Variants in MTAP observed in about 807,000 individuals in gnomAD.
MTAP encodes the protein S-methyl-5'-thioadenosine phosphorylase.
Under a neutral mutation model 33.6 loss-of-function variants are expected in MTAP, and 33 were observed. The ratio of observed to expected loss-of-function variants is 0.98; its 90% CI spans 0.74 to 1.31. The LOEUF (loss-of-function observed/expected upper bound fraction) is 1.31. MTAP is among the 40% of genes most tolerant of loss of function. The probability of loss-of-function intolerance (pLI) is 0.00; values close to 1 mark genes in which losing one functional copy is unlikely to be tolerated. For synonymous variants in MTAP, 148 were observed against 125.7 expected (o/e 1.18, Z -1.19); for missense variants, 367 against 360.0 (o/e 1.02, Z -0.16).
At chr9:21,834,290 G>A (rs1825047633) in intron 4 of MTAP, among the ~76,000 whole-genome samples, 1 of 152,176 alleles carries the variant, frequency 6.6e-6, no homozygotes, top group South Asian at 2.1e-4. Context: ...CTTTCCCAGA[G>A]GCACACAGCT....
chr9:21,863,289 CT>C lies in MTAP; in HGVS notation c.*1282del, dbSNP rs1563851646. The C allele has an allele frequency of 1.4e-5, 14 of 984,274 alleles. No homozygotes were observed. In the South Asian group the frequency reaches 1.9e-4, roughly 13 times the overall value. The allele number at this position is 984,274 out of a possible 1,614,324, so 61.0% of individuals were successfully genotyped here. On this transcript the variant is annotated 3_prime_UTR_variant, in exon 8 of 8. Transcript: ENST00000644715. ...AAAGTGGAAGCTTGCTTTTTTAACT[CT>C]TTTTTTATTGTTATTTTATAGAAAT...
downstream of MTAP, chr9:21,935,484 T>C (rs1366360272): frequency 1.3e-5 from 2 of 150,848 alleles, no homozygotes; most frequent in African/African-American, 4.9e-5. Context: ...TGGCTATACA[T>C]TTTTTTTTAA....
exon 2 of MTAP, chr9:21,931,035 G>A (rs772411340): frequency 2.0e-5 from 15 of 764,206 alleles, no homozygotes; most frequent in Middle Eastern, 4.5e-4. Flanking sequence ...GATCCTCAGT[G>A]AGGGATACCA....
At chr9:21,855,935 C>G (rs1304007919) in intron 6 of MTAP, among the ~76,000 whole-genome samples, 1 of 152,104 alleles carries the variant, frequency 6.6e-6, no homozygotes, top group Non-Finnish European at 1.5e-5. Context: ...ATATTAATTT[C>G]TTAATATAAT....
chr9:21,851,714 C>T (rs900583960), intron 5 of MTAP, among the ~76,000 whole-genome samples: 1 of 152,154 alleles, frequency 6.6e-6, no homozygotes, highest in African/African-American at 2.4e-5. Context: ...AGGAGATTGA[C>T]ATTTGAGTCA....
downstream of MTAP, chr9:21,932,332 T>C (rs369644377): frequency 9.2e-5 from 14 of 152,308 alleles, no homozygotes; most frequent in East Asian, 2.5e-3. Flanking sequence ...GCAAAGCTGA[T>C]GAGAGGCCAC....
chr9:21,896,706 A>G (rs1044346980), intron 1 of MTAP, among the ~76,000 whole-genome samples: 3 of 152,176 alleles, frequency 2.0e-5, no homozygotes, highest in Non-Finnish European at 4.4e-5. Context: ...CCCTGAATAG[A>G]CCAATAACAG....
downstream of MTAP, chr9:21,932,780 C>T (rs1818983664): frequency 6.6e-6 from 1 of 152,156 alleles, no homozygotes; most frequent in Non-Finnish European, 1.5e-5. Context: ...ATGTATAAAA[C>T]TCTTTCTCTA....
exon 8 of MTAP, chr9:21,937,641 A>G (rs1201146050): frequency 6.6e-6 from 1 of 152,138 alleles, no homozygotes; most frequent in East Asian, 1.9e-4. Flanking sequence ...AACTTTCTCT[A>G]TTTGCCTTTG....
intron 5 of MTAP, among the ~76,000 whole-genome samples, chr9:21,841,432 G>T (rs537649932): frequency 2.8e-4 from 42 of 152,336 alleles, no homozygotes; most frequent in African/African-American, 9.6e-4. Flanking sequence ...TCCTGAATAT[G>T]TCCACATGAC....
chr9:21,900,030 C>G (rs1282175203), intron 1 of MTAP, among the ~76,000 whole-genome samples: 1 of 152,132 alleles, frequency 6.6e-6, no homozygotes, highest in Non-Finnish European at 1.5e-5. Flanking sequence ...AAAATCAACT[C>G]AGGATGCATT....
At chr9:21,814,424 A>G (rs7872331) in intron 1 of MTAP, among the ~76,000 whole-genome samples, 4 of 152,220 alleles carry the variant, frequency 2.6e-5, no homozygotes, top group African/African-American at 9.6e-5. Context: ...AAAAACAACA[A>G]TGCTCAGGTC....
At chr9:21,939,100 T>C (rs1200101729), downstream of MTAP, among the ~76,000 whole-genome samples, 1 of 152,168 alleles carries the variant, frequency 6.6e-6, no homozygotes, top group Middle Eastern at 3.2e-3. Context: ...ATAGGTCTCA[T>C]GAGATCTGAT....
At chr9:21,868,828 C>T (rs186370524), downstream of MTAP, among the ~76,000 whole-genome samples, 285 of 152,262 alleles carry the variant, frequency 1.9e-3, no homozygotes, top group Admixed American at 7.6e-3. Flanking sequence ...GAGCACGCAT[C>T]GTCATCACCT....
chr9:21,851,247 G>A (rs549508951), intron 5 of MTAP, among the ~76,000 whole-genome samples: 2 of 152,252 alleles, frequency 1.3e-5, no homozygotes, highest in East Asian at 3.9e-4. Context: ...ATACAGAATG[G>A]GTAGTAGAAG....
rs1825782483 is a variant in MTAP at position 21,862,879 on chromosome 9, A to G, written c.*865A>G. On this transcript the variant is annotated 3_prime_UTR_variant, in exon 8 of 8. Transcript: ENST00000644715. ...TTTCTTTGAATCTTTCTGTGTCTTC[A>G]CATTTTTCTACAGTGAATTTAATCA... 1 of 874,740 alleles carries G rather than the reference A, an allele frequency of 1.1e-6. No homozygotes were observed. The highest frequency in any genetic ancestry group is 1.8e-5 in the African/African-American group (1 of 54,428). The allele number at this position is 874,740 out of a possible 1,614,324, so 54.2% of individuals were successfully genotyped here.
intron 4 of MTAP, among the ~76,000 whole-genome samples, chr9:21,825,407 C>T (rs939074854): frequency 2.9e-4 from 44 of 152,240 alleles, no homozygotes; most frequent in African/African-American, 1.0e-3. Context: ...ATTCTTGGAT[C>T]ATGTGGTAGT....
rs183655003 is a variant in MTAP, at chr9:21,901,775, C to T, written c.148-29233C>T. Reference sequence around the variant, plus strand: ...CCTGGAGAAGCTTGTGACATTTTCTCATAGGCTATTTACAGCCAATGCCAT... The same window carrying T: ...CCTGGAGAAGCTTGTGACATTTTCTTATAGGCTATTTACAGCCAATGCCAT... On this transcript the variant is annotated intron_variant, in intron 1 of 1. Transcript: ENST00000577563. 1.3e-4 allele frequency among the ~76,000 whole-genome samples: 20 copies of T among 152,254 alleles called. No homozygotes were observed. In the East Asian group the frequency reaches 3.3e-3, roughly 25 times the overall value.
Position 21,854,663 on chromosome 9 carries a change from C to G in MTAP, c.483C>G (p.Leu161=). ...TAGAGACTGCTAAGAAGCTAGGACT[C>G]CGGTGCCACTCAAAGGGGACAATGG... is the stretch of plus-strand genomic sequence containing the variant. ...VLIETAKKLG[L]RCHSKGTMVT... The change falls in exon 6 of 8, where the codon CTC becomes CTG. Residue 161 remains leucine, a synonymous_variant. Transcript: ENST00000644715. 4 of 1,606,892 alleles carry G rather than the reference C, an allele frequency of 2.5e-6. No individual in the cohort carries two copies. In the East Asian group the frequency reaches 6.7e-5, roughly 27 times the overall value.
Sources: allele counts gnomAD v4.1 joint callset (sites outside exome capture counted in the v4.1 genomes callset), GRCh38; gene constraint gnomAD v4.1.1; transcripts MANE v1.5; gene names NCBI Gene and HGNC (gene_info 2026-07-23, HGNC 2026-07-21).